Variants in PLD1 observed in about 807,000 individuals in gnomAD.
PLD1 encodes the protein phospholipase D1, also known as choline phosphatase 1.
In PLD1, 112 loss-of-function variants were observed where a neutral mutation model predicts 137.1. That is an observed-to-expected ratio of 0.82 (90% confidence interval 0.70 to 0.96). PLD1 has a LOEUF of 0.96. PLD1 is among the 40% of genes least tolerant of loss of function. The pLI is 0.00. For missense variants in PLD1, 1,321 were observed against 1,342.0 expected (o/e 0.98, Z 0.24); for synonymous variants, 431 against 454.7 (o/e 0.95, Z 0.66).
chr3:171,662,230 T>G, intron 19 of PLD1, 60 bp from the exon 20 acceptor site: 1 of 931,336 alleles, frequency 1.1e-6, no homozygotes. Context: ...TCAGATATAT[T>G]AATACAATGA....
chr3:171,689,036 G>T (rs1046098789), intron 13 of PLD1, among the ~76,000 whole-genome samples, 160 bp from the exon 14 acceptor site: 4 of 150,620 alleles, frequency 2.7e-5, no homozygotes, highest in African/African-American at 7.3e-5. Context: ...TCAGCATTTA[G>T]CAAAAAGAAA....
At position 171,735,630 on chromosome 3, in the gene PLD1, C is replaced by T. The variant is rs763758434; in HGVS notation, c.296G>A (p.Ser99Asn). 3.3e-6 allele frequency: 5 copies of T among 1,510,464 alleles called. No individual in the cohort carries two copies. Among genetic ancestry groups the T allele is most frequent in the Non-Finnish European group, 3.7e-6 (4 of 1,085,748 alleles). The allele number at this position is 1,510,464 out of a possible 1,614,324, so 93.6% of individuals were successfully genotyped here. ...ERFTSTTRVP[S>N]INLYTIELTH... ...TAATTCAATAGTGTAAAGATTAATACTTGGTACCTACAGTGATACATAAAA... is the reference window on the plus strand; with the variant it reads ...TAATTCAATAGTGTAAAGATTAATATTTGGTACCTACAGTGATACATAAAA... Residue 99 changes from serine to asparagine, a missense_variant, in exon 4 of 27, where the codon AGT becomes AAT. By Grantham distance (46) the Ser-to-Asn change is conservative. Coordinates refer to ENST00000351298, the MANE Select transcript of PLD1 (RefSeq NM_002662.5).
chr3:171,804,041 AT>A (rs1429834824), intron 1 of PLD1, among the ~76,000 whole-genome samples: 3 of 152,176 alleles, frequency 2.0e-5, no homozygotes, highest in African/African-American at 7.2e-5. Context: ...TAATGGTGAC[AT>A]TTAAAAAACA....
intron 6 of PLD1, among the ~76,000 whole-genome samples, chr3:171,728,631 T>G (rs1442909878): frequency 6.6e-6 from 1 of 152,086 alleles, no homozygotes; most frequent in Admixed American, 6.6e-5. Context: ...AAGGGAAGAA[T>G]AGGAAATGAA....
intron 9 of PLD1, among the ~76,000 whole-genome samples, chr3:171,709,973 G>T (rs147528932): frequency 1.0e-3 from 157 of 152,320 alleles, no homozygotes; most frequent in African/African-American, 3.5e-3. Context: ...AGGCCATGAG[G>T]AGGATAAAGA....
At chr3:171,755,177 A>G (rs1490224407) in intron 1 of PLD1, among the ~76,000 whole-genome samples, 1 of 151,968 alleles carries the variant, frequency 6.6e-6, no homozygotes, top group Non-Finnish European at 1.5e-5. Flanking sequence ...AACTACATAG[A>G]CTGGTATTTA....
chr3:171,766,219 G>T (rs1181841537), intron 1 of PLD1, among the ~76,000 whole-genome samples: 1 of 152,090 alleles, frequency 6.6e-6, no homozygotes, highest in Non-Finnish European at 1.5e-5. Flanking sequence ...ACCTTAAATA[G>T]ATTAAGAGTA....
intron 1 of PLD1, among the ~76,000 whole-genome samples, chr3:171,743,293 T>C (rs1719914498): frequency 6.6e-6 from 1 of 152,196 alleles, no homozygotes; most frequent in South Asian, 2.1e-4. Context: ...TCATCTCTTA[T>C]TTAGCTCCCA....
In PLD1 at chr3:171,662,138, A is replaced by C. The variant is rs1339406887; in HGVS notation, c.2262T>G (p.Gly754=). ...LLRSAADWSA[G]IKYHEESIHA... is the part of the protein sequence containing the mutation. ...GGATGGACTCTTCATGGTACTTTATACCAGCAGACCAATCAGCAGCAGAGC... is the reference window on the plus strand; with the variant it reads ...GGATGGACTCTTCATGGTACTTTATCCCAGCAGACCAATCAGCAGCAGAGC... The change falls in exon 20 of 27, where the codon GGT becomes GGG. Residue 754 remains glycine, a synonymous_variant. Transcript: ENST00000351298. 5 of 1,613,310 alleles carry C rather than the reference A, an allele frequency of 3.1e-6. No individual in the cohort carries two copies. The highest frequency in any genetic ancestry group is 4.2e-6 in the Non-Finnish European group (5 of 1,179,354).
At chr3:171,691,477 A>G (rs1715148262) in intron 13 of PLD1, among the ~76,000 whole-genome samples, 1 of 152,048 alleles carries the variant, frequency 6.6e-6, no homozygotes, top group South Asian at 2.1e-4. Context: ...AAATAGCTAT[A>G]TATTTGATTG....
At chr3:171,686,935 G>A (rs902462719) in intron 15 of PLD1, 137 bp from the exon 16 acceptor site, 12 of 529,514 alleles carry the variant, frequency 2.3e-5, no homozygotes, top group Non-Finnish European at 3.7e-5. Flanking sequence ...AAAATTGTAG[G>A]GCTTTAAGAT....
chr3:171,797,772 A>G (rs933467841), intron 1 of PLD1, among the ~76,000 whole-genome samples: 3 of 152,238 alleles, frequency 2.0e-5, no homozygotes, highest in Non-Finnish European at 2.9e-5. Context: ...GAAGTTTTCA[A>G]ATTTCTCACT....
At chr3:171,643,122 C>A in intron 22 of PLD1, 3 of 366,402 alleles carry the variant, frequency 8.2e-6, no homozygotes, top group South Asian at 6.3e-5. Flanking sequence ...TTATAAAATT[C>A]GTGTTAGATT....
At chr3:171,761,868 C>A (rs997282747) in intron 1 of PLD1, among the ~76,000 whole-genome samples, 1 of 152,138 alleles carries the variant, frequency 6.6e-6, no homozygotes, top group African/African-American at 2.4e-5. Context: ...TTTGTTTCCC[C>A]CGTTAACACA....
At chr3:171,616,572 G>A (rs1733129121) in intron 24 of PLD1, among the ~76,000 whole-genome samples, 1 of 152,190 alleles carries the variant, frequency 6.6e-6, no homozygotes, top group Non-Finnish European at 1.5e-5. Flanking sequence ...AAGTGAAAGG[G>A]AGTCAGACTG....
chr3:171,656,264 G>A (rs1425213354), intron 21 of PLD1, among the ~76,000 whole-genome samples: 1 of 152,004 alleles, frequency 6.6e-6, no homozygotes, highest in Non-Finnish European at 1.5e-5. Context: ...TCCACCTCCT[G>A]GGTTCAAGCA....
intron 1 of PLD1, among the ~76,000 whole-genome samples, chr3:171,756,290 G>A (rs373665449): frequency 5.3e-5 from 8 of 152,262 alleles, no homozygotes; most frequent in Admixed American, 3.9e-4. Flanking sequence ...TGATTTTGTA[G>A]GATAAGTAAC....
At chr3:171,641,758 T>C (rs1444762060) in intron 23 of PLD1, among the ~76,000 whole-genome samples, 1 of 152,086 alleles carries the variant, frequency 6.6e-6, no homozygotes, top group Non-Finnish European at 1.5e-5. Context: ...CCTTTTCCAT[T>C]ACCAGTGCAC....
chr3:171,645,611 G>A (rs114965369), intron 21 of PLD1, among the ~76,000 whole-genome samples: 2,148 of 151,866 alleles, frequency 0.014, 55 homozygotes, highest in African/African-American at 0.05. Flanking sequence ...CCGGCCGGGC[G>A]TGGTGGCTCA....
Sources: gnomAD v4.1 joint callset for allele counts (sites outside exome capture counted in the v4.1 genomes callset) on GRCh38, gnomAD v4.1.1 for gene constraint, MANE v1.5 for transcripts, NCBI Gene and HGNC (gene_info 2026-07-23, HGNC 2026-07-21) for gene names.